XIRP2: variants seen among roughly 807,000 people sequenced by gnomAD.
XIRP2 encodes xin actin-binding repeat-containing protein 2.
XIRP2 carries 236 observed loss-of-function variants against 277.0 expected under a neutral mutation model. The observed-to-expected ratio is 0.85, with a 90% CI of 0.77 to 0.95. The LOEUF is 0.95. Among genes scored for constraint, XIRP2 ranks in the 40% least tolerant of loss-of-function variants. XIRP2 has a pLI of 0.00. For synonymous variants in XIRP2, 1,490 were observed against 1,416.5 expected, an observed-to-expected ratio of 1.05 and a Z score of -1.17; for missense variants, 4,640 against 4,157.5, an observed-to-expected ratio of 1.12 and a Z score of -3.19.
At chr2:167,069,067 G>T (rs897554007) in intron 2 of XIRP2, among the ~76,000 whole-genome samples, 4 of 152,076 alleles carry the variant, frequency 2.6e-5, no homozygotes, top group African/African-American at 9.7e-5. Flanking sequence ...GGGTGCTCAA[G>T]TCCTTTATAT....
intron 3 of XIRP2, among the ~76,000 whole-genome samples, chr2:167,168,266 G>A (rs1364608901): frequency 6.6e-6 from 1 of 151,922 alleles, no homozygotes; most frequent in Non-Finnish European, 1.5e-5. Flanking sequence ...CTGGGTTTGT[G>A]GTTTGGTGTC....
At chr2:167,092,581 TA>T (rs1317300747) in intron 2 of XIRP2, among the ~76,000 whole-genome samples, 2 of 152,096 alleles carry the variant, frequency 1.3e-5, no homozygotes, top group African/African-American at 2.4e-5. Context: ...ATGTTGAAAA[TA>T]AAAAATATAC....
At chr2:166,894,167 A>G (rs149592042) in intron 1 of XIRP2, among the ~76,000 whole-genome samples, 1 of 152,290 alleles carries the variant, frequency 6.6e-6, no homozygotes, top group East Asian at 1.9e-4. Flanking sequence ...GAGGCCGGAG[A>G]TAATTCTTAC....
intron 2 of XIRP2, among the ~76,000 whole-genome samples, chr2:166,955,732 G>GA (rs1174146780): frequency 2.0e-5 from 3 of 151,568 alleles, no homozygotes; most frequent in Non-Finnish European, 4.4e-5. Context: ...TCAGCTTCAA[G>GA]AATTTCATAC....
At chr2:166,906,694 A>G (rs1684533600) in intron 2 of XIRP2, among the ~76,000 whole-genome samples, 1 of 152,008 alleles carries the variant, frequency 6.6e-6, no homozygotes, top group Non-Finnish European at 1.5e-5. Flanking sequence ...AGTGGCTCAC[A>G]CCTGTTTTCC....
chr2:167,014,789 G>T (rs1419989716), intron 2 of XIRP2, among the ~76,000 whole-genome samples: 1 of 151,758 alleles, frequency 6.6e-6, no homozygotes, highest in Non-Finnish European at 1.5e-5. Flanking sequence ...TGTGCCAAAT[G>T]TTAAGTTCTA....
chr2:166,979,379 T>G (rs886861288), intron 2 of XIRP2, among the ~76,000 whole-genome samples: 1 of 148,602 alleles, frequency 6.7e-6, no homozygotes, highest in African/African-American at 2.5e-5. Flanking sequence ...CTTTTTTTTT[T>G]TTTTTTTTGC....
Position 167,246,028 on chromosome 2 carries a change from G to C in XIRP2, c.4636G>C (p.Glu1546Gln). 1 of 1,613,282 alleles carries C rather than the reference G, an allele frequency of 6.2e-7. No homozygotes were observed. The highest frequency in any genetic ancestry group is 8.5e-7 in the Non-Finnish European group (1 of 1,179,666). The change falls in exon 9 of 11, where the codon GAA becomes CAA. Residue 1546 changes from glutamate to glutamine, a missense_variant. Glu to Gln is a conservative substitution (Grantham distance 29). Transcript: ENST00000409195. Reference sequence around the variant, plus strand: ...TAATGAAACTAGAGTAGAAAAGATAGAAATTATTGGCAAGAGCATTAAAGA... The same window carrying C: ...TAATGAAACTAGAGTAGAAAAGATACAAATTATTGGCAAGAGCATTAAAGA... ...EFNETRVEKIEIIGKSIKETL... is the reference protein window; with the variant it reads ...EFNETRVEKIQIIGKSIKETL...
intron 2 of XIRP2, among the ~76,000 whole-genome samples, chr2:166,933,534 C>T (rs1018041039): frequency 7.3e-5 from 11 of 151,272 alleles, no homozygotes; most frequent in African/African-American, 1.5e-4. Flanking sequence ...TAGCCAAGAT[C>T]GTGCCACTGC....
chr2:167,044,235 A>G (rs1457904939), intron 2 of XIRP2, among the ~76,000 whole-genome samples: 1 of 152,126 alleles, frequency 6.6e-6, no homozygotes, highest in Non-Finnish European at 1.5e-5. Context: ...ACTTCATGTT[A>G]AGAACTCTCC....
At chr2:167,175,703 T>A (rs1255304187) in intron 3 of XIRP2, among the ~76,000 whole-genome samples, 3 of 152,118 alleles carry the variant, frequency 2.0e-5, no homozygotes, top group Non-Finnish European at 4.4e-5. Flanking sequence ...GAGCCAGCAG[T>A]CAGGAATGTT....
rs183132301 is a variant in XIRP2 at position 167,229,481 on chromosome 2, C to T, written c.859-10374C>T. Among the ~76,000 whole-genome samples, 13 of 152,192 alleles carry T rather than the reference C, an allele frequency of 8.5e-5. 1 individual carries two copies. In the East Asian group the frequency reaches 2.3e-3, roughly 27 times the overall value. On this transcript the variant is annotated intron_variant, in intron 5 of 10. Coordinates refer to ENST00000409195, the MANE Select transcript of XIRP2 (RefSeq NM_152381.6). ...AAAGAAATCATTAATGTTATAGACT[C>T]ATTATGCTTGTAGAACTTAGTGAAA...
intron 3 of XIRP2, among the ~76,000 whole-genome samples, chr2:167,163,977 T>C (rs927755710): frequency 6.6e-6 from 1 of 152,212 alleles, no homozygotes; most frequent in Admixed American, 6.5e-5. Flanking sequence ...TTCTGTTTTA[T>C]TGACCTATGT....
At chr2:166,901,768 T>G (rs796795314) in intron 1 of XIRP2, among the ~76,000 whole-genome samples, 22 of 152,258 alleles carry the variant, frequency 1.4e-4, no homozygotes, top group African/African-American at 5.3e-4. Context: ...TTTGATCTAC[T>G]GTTTTATTGA....
At chr2:167,085,215 A>C (rs1452140806) in intron 2 of XIRP2, among the ~76,000 whole-genome samples, 2 of 151,264 alleles carry the variant, frequency 1.3e-5, no homozygotes, top group African/African-American at 2.4e-5. Context: ...GTAGTCATTC[A>C]GGAGCAGGTT....
intron 2 of XIRP2, among the ~76,000 whole-genome samples, chr2:166,986,847 T>C (rs1176959464): frequency 6.6e-6 from 1 of 152,256 alleles, no homozygotes; most frequent in Non-Finnish European, 1.5e-5. Flanking sequence ...CCTAAGATTC[T>C]GACCTTCTTT....
intron 3 of XIRP2, among the ~76,000 whole-genome samples, chr2:167,157,008 T>G (rs1184994906): frequency 6.6e-6 from 1 of 152,180 alleles, no homozygotes; most frequent in Non-Finnish European, 1.5e-5. Flanking sequence ...AATACCCATC[T>G]TAAATCATCC....
intron 2 of XIRP2, among the ~76,000 whole-genome samples, chr2:167,011,847 A>C (rs1687688215): frequency 6.6e-6 from 1 of 152,066 alleles, no homozygotes; most frequent in Non-Finnish European, 1.5e-5. Flanking sequence ...TAGATTTTCT[A>C]GTTTATTTGC....
At chr2:166,952,073 T>C (rs894011810) in intron 2 of XIRP2, among the ~76,000 whole-genome samples, 2 of 151,908 alleles carry the variant, frequency 1.3e-5, no homozygotes, top group Non-Finnish European at 2.9e-5. Flanking sequence ...ATTAAATGAG[T>C]CAATAAAGGA....
Sources: gnomAD v4.1 joint callset for allele counts (sites outside exome capture counted in the v4.1 genomes callset) on GRCh38, gnomAD v4.1.1 for gene constraint, MANE v1.5 for transcripts, NCBI Gene and HGNC (gene_info 2026-07-23, HGNC 2026-07-21) for gene names.